Variants in TIAM2 observed in about 807,000 individuals in gnomAD.
TIAM2 encodes rho guanine nucleotide exchange factor TIAM2.
TIAM2 carries 80 observed loss-of-function variants against 152.9 expected under a neutral mutation model. The observed-to-expected ratio is 0.52, with a 90% CI of 0.44 to 0.63. The LOEUF is 0.63. Ranked by LOEUF, TIAM2 falls within the 30% of genes least tolerant of loss-of-function variation. TIAM2 has a pLI of 0.00. For synonymous variants in TIAM2, 804 were observed against 838.0 expected, an observed-to-expected ratio of 0.96 and a Z score of 0.70; for missense variants, 1,965 against 2,120.1, an observed-to-expected ratio of 0.93 and a Z score of 1.44.
intron 1 of TIAM2, among the ~76,000 whole-genome samples, chr6:155,020,393 C>T (rs746025816): frequency 6.6e-6 from 1 of 152,166 alleles, no homozygotes; most frequent in Non-Finnish European, 1.5e-5. Flanking sequence ...TAAACATTGT[C>T]CCCCTTTTTT....
Position 155,074,853 on chromosome 6 carries a change from C to CAAA in TIAM2, c.-208-15413_-208-15411dup, listed in dbSNP as rs71023618. 1.9e-3 allele frequency among the ~76,000 whole-genome samples: 70 copies of CAAA among 37,546 alleles called. 1 individual carries two copies. Among genetic ancestry groups the CAAA allele is most frequent in the African/African-American group, 4.6e-3 (46 of 10,088 alleles). 24.6% of individuals were successfully genotyped at this position (37,546 alleles called of 152,430 possible). On this transcript the variant is annotated intron_variant, in intron 1 of 26. Transcript: ENST00000682666. ...TTCAGCCTGGGTGGAGACTCTGTCT[C>CAAA]AAAAAAAAAAAAAAAAAAAAAAAAA... is the stretch of plus-strand genomic sequence containing the variant.
chr6:155,065,332 G>A (rs1349392012), intron 1 of TIAM2, among the ~76,000 whole-genome samples: 1 of 152,048 alleles, frequency 6.6e-6, no homozygotes, highest in Non-Finnish European at 1.5e-5. Context: ...ATAATCCTGT[G>A]GAAGTCATCG....
intron 1 of TIAM2, among the ~76,000 whole-genome samples, chr6:155,027,174 A>G (rs1290788654): frequency 2.0e-5 from 3 of 151,426 alleles, no homozygotes; most frequent in Non-Finnish European, 4.4e-5. Flanking sequence ...TAGCTGGGAC[A>G]TGCCACCATG....
At chr6:155,233,575 A>G (rs913165157) in intron 15 of TIAM2, among the ~76,000 whole-genome samples, 1 of 152,212 alleles carries the variant, frequency 6.6e-6, no homozygotes, top group Non-Finnish European at 1.5e-5. Flanking sequence ...AACTGCTTAG[A>G]CGTCTGCCTG....
chr6:155,068,614 C>T (rs993095931), intron 1 of TIAM2, among the ~76,000 whole-genome samples: 1 of 144,270 alleles, frequency 6.9e-6, no homozygotes, highest in Non-Finnish European at 1.5e-5. Flanking sequence ...CCCCCCATCA[C>T]GTCTGGCTAA....
intron 9 of TIAM2, among the ~76,000 whole-genome samples, chr6:155,170,052 C>T (rs548891907): frequency 1.3e-5 from 2 of 152,128 alleles, no homozygotes; most frequent in East Asian, 1.9e-4. Context: ...CTCCTGACGT[C>T]GCGATCCACC....
At chr6:155,224,535 A>G (rs1015677385) in intron 15 of TIAM2, among the ~76,000 whole-genome samples, 3 of 152,220 alleles carry the variant, frequency 2.0e-5, no homozygotes, top group African/African-American at 7.2e-5. Context: ...TAACATGAAG[A>G]AAAGGGCAAG....
intron 1 of TIAM2, among the ~76,000 whole-genome samples, chr6:155,052,146 G>A (rs899646367): frequency 2.0e-5 from 3 of 152,120 alleles, no homozygotes; most frequent in African/African-American, 7.2e-5. Context: ...GAAGAGGTAG[G>A]TGGGAAGAGA....
intron 7 of TIAM2, among the ~76,000 whole-genome samples, chr6:155,152,518 C>T (rs1779998273): frequency 1.3e-5 from 2 of 152,192 alleles, no homozygotes; most frequent in African/African-American, 2.4e-5. Flanking sequence ...ATCAAAGAGC[C>T]TGAAGGAGAC....
intron 1 of TIAM2, among the ~76,000 whole-genome samples, chr6:155,077,260 G>T (rs1777981873): frequency 6.6e-6 from 1 of 151,444 alleles, no homozygotes; most frequent in South Asian, 2.1e-4. Flanking sequence ...ATAATAACTT[G>T]ACCATTCAGA....
intron 14 of TIAM2, among the ~76,000 whole-genome samples, chr6:155,185,422 C>T (rs779686381): frequency 2.6e-5 from 4 of 151,794 alleles, no homozygotes; most frequent in Admixed American, 6.6e-5. Flanking sequence ...CAACCGCGCC[C>T]GGCTGTTTTT....
intron 1 of TIAM2, among the ~76,000 whole-genome samples, chr6:155,041,050 T>C (rs1278455577): frequency 1.3e-5 from 2 of 152,122 alleles, no homozygotes; most frequent in African/African-American, 4.8e-5. Flanking sequence ...TGGATGTAGA[T>C]TTCAGTGTCC....
chr6:155,058,058 G>T (rs1256125103), intron 1 of TIAM2, among the ~76,000 whole-genome samples: 1 of 151,974 alleles, frequency 6.6e-6, no homozygotes, highest in East Asian at 1.9e-4. Context: ...GCTCTTTCAG[G>T]TGGCTCTTGA....
At chr6:155,229,701 G>A (rs1019160098) in intron 15 of TIAM2, among the ~76,000 whole-genome samples, 1 of 152,226 alleles carries the variant, frequency 6.6e-6, no homozygotes, top group Non-Finnish European at 1.5e-5. Context: ...GAGCCCAGGT[G>A]TATTAATTCA....
chr6:155,182,639 C>T (rs1780934516), intron 13 of TIAM2, among the ~76,000 whole-genome samples: 1 of 151,776 alleles, frequency 6.6e-6, no homozygotes, highest in Non-Finnish European at 1.5e-5. Flanking sequence ...AATGCATATG[C>T]CTATATATAG....
At chr6:155,104,047 C>G (rs1215051953) in intron 2 of TIAM2, among the ~76,000 whole-genome samples, 4 of 96,060 alleles carry the variant, frequency 4.2e-5, no homozygotes, top group Admixed American at 2.3e-4. Flanking sequence ...CACACCCCCC[C>G]CCCCACACCC....
At chr6:155,028,666 CTG>C (rs1166964399) in intron 1 of TIAM2, among the ~76,000 whole-genome samples, 3 of 126,652 alleles carry the variant, frequency 2.4e-5, no homozygotes, top group Non-Finnish European at 4.7e-5. Context: ...AATATATATA[CTG>C]TGTTATATAT....
At chr6:155,029,979 G>A (rs949722084) in intron 1 of TIAM2, among the ~76,000 whole-genome samples, 2 of 151,790 alleles carry the variant, frequency 1.3e-5, no homozygotes, top group Non-Finnish European at 2.9e-5. Flanking sequence ...GTTTTGTAGA[G>A]ATGGGGGTCT....
intron 7 of TIAM2, among the ~76,000 whole-genome samples, chr6:155,163,166 A>G (rs975435526): frequency 6.6e-6 from 1 of 152,210 alleles, no homozygotes; most frequent in Admixed American, 6.5e-5. Context: ...GTGCTCAGCA[A>G]CATGGCAGAA....
Sources: allele counts gnomAD v4.1 joint callset (sites outside exome capture counted in the v4.1 genomes callset), GRCh38; gene constraint gnomAD v4.1.1; transcripts MANE v1.5; gene names NCBI Gene and HGNC (gene_info 2026-07-23, HGNC 2026-07-21).